PSTPIP1: variants seen among roughly 807,000 people sequenced by gnomAD.
PSTPIP1 encodes proline-serine-threonine phosphatase interacting protein 1.
In PSTPIP1, 66 loss-of-function variants were observed where a neutral mutation model predicts 69.6. That is an observed-to-expected ratio of 0.95 (90% CI 0.78 to 1.16). The LOEUF is 1.16. Ranked by LOEUF, PSTPIP1 falls within the 50% of genes most tolerant of loss-of-function variation. The pLI is 0.00. For synonymous variants in PSTPIP1, 266 were observed against 222.7 expected (o/e 1.19, Z -1.73); for missense variants, 603 against 557.4 (o/e 1.08, Z -0.82).
intron 1 of PSTPIP1, among the ~76,000 whole-genome samples, chr15:77,009,726 C>T (rs544883712): frequency 6.6e-6 from 1 of 152,310 alleles, no homozygotes; most frequent in Admixed American, 6.5e-5. Context: ...CCCGATCTCA[C>T]AGAGGAGGAA....
At chr15:77,034,648 C>T (rs1183581555) in intron 12 of PSTPIP1, among the ~76,000 whole-genome samples, 1 of 152,156 alleles carries the variant, frequency 6.6e-6, no homozygotes, top group African/African-American at 2.4e-5. Context: ...TGAGCCCTCC[C>T]TCTCCTGGTC....
intron 3 of PSTPIP1, among the ~76,000 whole-genome samples, chr15:77,018,849 C>T (rs1325194317): frequency 6.6e-6 from 1 of 152,198 alleles, no homozygotes; most frequent in Non-Finnish European, 1.5e-5. Flanking sequence ...CAGGCGTCTC[C>T]ACTGGTGGCT....
intron 1 of PSTPIP1, among the ~76,000 whole-genome samples, chr15:76,997,330 C>T (rs1049994332): frequency 2.6e-5 from 4 of 152,210 alleles, no homozygotes; most frequent in African/African-American, 9.7e-5. Context: ...CAGTGGGAAC[C>T]TCTCACACTG....
intron 14 of PSTPIP1, among the ~76,000 whole-genome samples, chr15:77,036,765 G>A (rs1265631354): frequency 3.3e-5 from 5 of 152,134 alleles, no homozygotes; most frequent in Admixed American, 1.3e-4. Context: ...ATGAGCACCC[G>A]TGACCCCTGA....
At chr15:77,032,631 A>G in intron 11 of PSTPIP1, 1 of 616,854 alleles carries the variant, frequency 1.6e-6, no homozygotes, top group Non-Finnish European at 2.9e-6. Context: ...TGAGGTGAGG[A>G]GCTCCCACGG....
intron 14 of PSTPIP1, among the ~76,000 whole-genome samples, chr15:77,036,235 A>G (rs1283781196): frequency 6.6e-6 from 1 of 152,156 alleles, no homozygotes; most frequent in East Asian, 1.9e-4. Context: ...TACACAGCAC[A>G]CACGTGGAGC....
intron 1 of PSTPIP1, among the ~76,000 whole-genome samples, chr15:77,016,221 C>T (rs2076049484): frequency 6.6e-6 from 1 of 152,198 alleles, no homozygotes; most frequent in Non-Finnish European, 1.5e-5. Context: ...GTGAGGGAAG[C>T]CGCACAAGGT....
intron 3 of PSTPIP1, among the ~76,000 whole-genome samples, chr15:77,021,920 TG>T (rs2076168898): frequency 6.6e-6 from 1 of 152,178 alleles, no homozygotes; most frequent in African/African-American, 2.4e-5. Context: ...GGTAAGGTGC[TG>T]GGGGTGCTGC....
chr15:77,019,927 A>G (rs1462407731), intron 3 of PSTPIP1, among the ~76,000 whole-genome samples: 1 of 152,208 alleles, frequency 6.6e-6, no homozygotes, highest in African/African-American at 2.4e-5. Context: ...CTGGCCTCCC[A>G]GCCTCCAGGC....
chr15:76,999,807 G>A (rs574546705), intron 1 of PSTPIP1, among the ~76,000 whole-genome samples: 1 of 152,304 alleles, frequency 6.6e-6, no homozygotes, highest in African/African-American at 2.4e-5. Context: ...TCCTCTCCCA[G>A]GTCCCCCATC....
chr15:77,001,813 G>T (rs2075714594), intron 1 of PSTPIP1, among the ~76,000 whole-genome samples: 2 of 152,198 alleles, frequency 1.3e-5, no homozygotes, highest in Admixed American at 6.5e-5. Context: ...ACAAAAATCT[G>T]TGGACGGATG....
intron 8 of PSTPIP1, among the ~76,000 whole-genome samples, chr15:77,029,823 T>A (rs1277840964): frequency 3.9e-5 from 6 of 152,134 alleles, no homozygotes; most frequent in African/African-American, 1.4e-4. Flanking sequence ...TTCCCTTTCT[T>A]AACAGATGAG....
intron 3 of PSTPIP1, among the ~76,000 whole-genome samples, chr15:77,019,163 G>A (rs559276121): frequency 3.3e-5 from 5 of 152,308 alleles, no homozygotes; most frequent in African/African-American, 9.6e-5. Context: ...GTCTCTGCAC[G>A]CAGACTGCTG....
intron 10 of PSTPIP1, among the ~76,000 whole-genome samples, chr15:77,032,040 A>G (rs1181701210): frequency 6.6e-6 from 1 of 152,216 alleles, no homozygotes; most frequent in African/African-American, 2.4e-5. Flanking sequence ...GAGTTTCCTC[A>G]TCTATCCAAT....
At chr15:77,036,014 GTCC>G (rs1212573673) in intron 14 of PSTPIP1, 79 bp downstream of exon 14, 17 of 1,459,994 alleles carry the variant, frequency 1.2e-5, no homozygotes, top group African/African-American at 2.8e-5. Context: ...AGTGCCTTGC[GTCC>G]TCATCTCTCC....
At chr15:77,034,727 C>A (rs1400197111) in intron 12 of PSTPIP1, among the ~76,000 whole-genome samples, 1 of 152,214 alleles carries the variant, frequency 6.6e-6, no homozygotes, top group Non-Finnish European at 1.5e-5. Flanking sequence ...TCAGCCCCAC[C>A]CCACTAAGAA....
chr15:77,015,948 A>G, intron 1 of PSTPIP1: 1 of 456,258 alleles, frequency 2.2e-6, no homozygotes, highest in South Asian at 1.5e-5. Context: ...CGGCGGTCAC[A>G]GCCTGCAGGG....
intron 1 of PSTPIP1, among the ~76,000 whole-genome samples, chr15:77,003,826 G>A (rs1249774179): frequency 6.6e-6 from 1 of 152,118 alleles, no homozygotes; most frequent in African/African-American, 2.4e-5. Flanking sequence ...TGAGGTTGGG[G>A]CGGCTCAGGG....
At chr15:77,028,713 G>T in intron 7 of PSTPIP1, 61 bp downstream of exon 7, 1 of 1,380,530 alleles carries the variant, frequency 7.2e-7, no homozygotes. Flanking sequence ...GGGAGGCAAG[G>T]AAGGGGTGCC....
Sources: gnomAD v4.1 joint callset for allele counts (sites outside exome capture counted in the v4.1 genomes callset) on GRCh38, gnomAD v4.1.1 for gene constraint, MANE v1.5 for transcripts, NCBI Gene and HGNC (gene_info 2026-07-23, HGNC 2026-07-21) for gene names.